PPP2R5C: variants seen among roughly 807,000 people sequenced by gnomAD.
PPP2R5C encodes serine/threonine-protein phosphatase 2A 56 kDa regulatory subunit gamma isoform.
A neutral mutation model predicts 68.9 loss-of-function variants in PPP2R5C; 7 were observed. That is an observed-to-expected ratio of 0.10 (90% CI 0.06 to 0.19). The LOEUF is 0.19. Among genes scored for constraint, PPP2R5C ranks in the 10% least tolerant of loss-of-function variants. The pLI, the probability that PPP2R5C is intolerant of heterozygous loss-of-function variation, is 1.00. For missense variants in PPP2R5C, 348 were observed against 641.3 expected (o/e 0.54, Z 4.94); for synonymous variants, 210 against 222.2 (o/e 0.95, Z 0.49).
Position 101,797,472 on chromosome 14 carries a change from C to CA in PPP2R5C, c.259+11289_259+11290insA. ...CTGAAGGAATGAAAAGCCCTCCTGGCCCCTCTGCCCTCTTTCTCCACCCTC... is the reference window on the plus strand; with the variant it reads ...CTGAAGGAATGAAAAGCCCTCCTGGCACCCTCTGCCCTCTTTCTCCACCCTC... On this transcript the variant is annotated intron_variant, in intron 3 of 14. Coordinates refer to the PPP2R5C transcript ENST00000328724. The surrounding 1 kb of genome is among the most constrained non-coding windows in gnomAD (Gnocchi z 4.2). The CA allele has an allele frequency of 2.9e-6, 1 of 347,700 alleles. No homozygotes were observed. The highest frequency in any genetic ancestry group is 5.8e-6 in the Non-Finnish European group (1 of 173,448). 21.5% of individuals were successfully genotyped at this position (347,700 alleles called of 1,614,324 possible).
chr14:101,770,296 G>A (rs1266021108), intron 2 of PPP2R5C, among the ~76,000 whole-genome samples: 1 of 152,208 alleles, frequency 6.6e-6, no homozygotes, highest in Non-Finnish European at 1.5e-5. Context: ...GTCTTGTTCT[G>A]TGCGAGCACT....
chr14:101,876,007 A>G (rs2043750233), intron 2 of PPP2R5C, among the ~76,000 whole-genome samples: 1 of 152,010 alleles, frequency 6.6e-6, no homozygotes, highest in Non-Finnish European at 1.5e-5. Flanking sequence ...TATTTGCTTA[A>G]TTGTTAGTGG....
At chr14:101,918,983 C>G (rs903855358) in intron 13 of PPP2R5C, among the ~76,000 whole-genome samples, 3 of 152,100 alleles carry the variant, frequency 2.0e-5, no homozygotes, top group Non-Finnish European at 2.9e-5. Flanking sequence ...TGAAAGTAGG[C>G]GCCCCGCCTG....
At chr14:101,910,150 T>C (rs1409926231) in intron 11 of PPP2R5C, among the ~76,000 whole-genome samples, 1 of 152,196 alleles carries the variant, frequency 6.6e-6, no homozygotes. Context: ...GTCTGTCCTT[T>C]GCAAAATCAG....
chr14:101,910,560 C>T (rs766573957), intron 11 of PPP2R5C, among the ~76,000 whole-genome samples: 3 of 152,076 alleles, frequency 2.0e-5, no homozygotes, highest in African/African-American at 7.2e-5. Flanking sequence ...GGGCCGGGTG[C>T]GGTGGCTCAC....
At chr14:101,829,780 C>T (rs1191267477) in intron 1 of PPP2R5C, among the ~76,000 whole-genome samples, 1 of 152,144 alleles carries the variant, frequency 6.6e-6, no homozygotes, top group African/African-American at 2.4e-5. Flanking sequence ...GGTGGCCTCC[C>T]TGCCCCCAGC....
chr14:101,761,687 T>TGCC (rs1172580916), upstream of PPP2R5C: 464 of 224,392 alleles, frequency 2.1e-3, 3 homozygotes, highest in East Asian at 7.8e-3. Flanking sequence ...ACGCCGCCGC[T>TGCC]GCCGCCGCCG....
chr14:101,895,060 G>A (rs2045223466), intron 8 of PPP2R5C, among the ~76,000 whole-genome samples: 1 of 152,138 alleles, frequency 6.6e-6, no homozygotes, highest in South Asian at 2.1e-4. Context: ...TCTGTGCGTG[G>A]ATCTGTAATT....
Position 101,917,928 on chromosome 14 carries a change from T to C in PPP2R5C, c.1424T>C (p.Val475Ala), listed in dbSNP as rs373861305. Residue 475 changes from valine (V) to alanine (A), a missense_variant, in exon 13 of 14, where the codon GTG becomes GCG. This residue lies in a region of PPP2R5C where 118 missense variants were observed against 108.9 expected (regional missense o/e 1.08). Transcript: ENST00000334743. This position sits in a 1 kb window ranked among gnomAD's most constrained non-coding sequence, Gnocchi z 4.4. ...GATGTGCAGATGCTGAGAAAGACAG[T>C]GAAGGACGAGGCTCATCAGGTAAAA... 1.4e-5 allele frequency: 23 copies of C among 1,613,732 alleles called. No individual in the cohort carries two copies. The highest frequency in any genetic ancestry group is 8.0e-5 in the African/African-American group (6 of 74,876).
chr14:101,900,553 G>T (rs2045624128), intron 8 of PPP2R5C, among the ~76,000 whole-genome samples: 1 of 152,222 alleles, frequency 6.6e-6, no homozygotes, highest in African/African-American at 2.4e-5. Context: ...GCACATATAT[G>T]CACTTCATAT....
At chr14:101,787,529 C>T (rs919218663) in intron 3 of PPP2R5C, among the ~76,000 whole-genome samples, 14 of 151,846 alleles carry the variant, frequency 9.2e-5, no homozygotes, top group African/African-American at 1.7e-4. Context: ...TTTGGGAGGC[C>T]AAGGCGGGCG....
At position 101,924,665 on chromosome 14, in the gene PPP2R5C, C is replaced by T. The variant is rs1031134207; in HGVS notation, c.1444-476C>T. ...ACTATGTTGGTCAGGCTGATCTTGACCTCTTGACCTCGTGATCCGTCCGCC... is the reference window on the plus strand; with the variant it reads ...ACTATGTTGGTCAGGCTGATCTTGATCTCTTGACCTCGTGATCCGTCCGCC... On this transcript the variant is annotated intron_variant, in intron 13 of 13. Transcript: ENST00000334743. Among the ~76,000 whole-genome samples the T allele has an allele frequency of 4.6e-5, 7 of 151,620 alleles. No individual in the cohort carries two copies. The South Asian group carries it at 1.3e-3, about 27-fold the overall frequency.
Position 101,915,587 on chromosome 14 carries a change from A to C in PPP2R5C, c.1327-2244A>C, listed in dbSNP as rs2046625710. Among the ~76,000 whole-genome samples, 1 of 152,176 alleles carries C rather than the reference A, an allele frequency of 6.6e-6. No individual in the cohort carries two copies. The highest frequency in any genetic ancestry group is 1.5e-5 in the Non-Finnish European group (1 of 68,020). On this transcript the variant is annotated intron_variant, in intron 12 of 13. Coordinates refer to ENST00000334743, the Ensembl canonical transcript of PPP2R5C. This position sits in a 1 kb window ranked among gnomAD's most constrained non-coding sequence, Gnocchi z 4.2. ...TGCCTGGAGTAGTCAAAAGCAGAAG[A>C]AGCGTTGGTGTGAAACAGTCCCCGC...
chr14:101,789,651 T>G (rs1303714192), intron 3 of PPP2R5C: 1 of 152,256 alleles, frequency 6.6e-6, no homozygotes, highest in Non-Finnish European at 1.5e-5. Context: ...TTTGTTCTTT[T>G]TCATAAACCT....
Position 101,797,116 on chromosome 14 carries a change from T to A in PPP2R5C, c.259+10933T>A. 1 of 455,264 alleles carries A rather than the reference T, an allele frequency of 2.2e-6. No individual in the cohort carries two copies. Among genetic ancestry groups the A allele is most frequent in the East Asian group, 7.0e-5 (1 of 14,380 alleles). 28.2% of individuals were successfully genotyped at this position (455,264 alleles called of 1,614,324 possible). The stretch of plus-strand genomic sequence containing the variant: ...CTCCCCATTCTGCTTTCTGTCTCTA[T>A]GATTTTGCCCACAGTAGGAGCCTCT... On this transcript the variant is annotated intron_variant, in intron 3 of 14. Coordinates refer to the PPP2R5C transcript ENST00000328724. This position sits in a 1 kb window ranked among gnomAD's most constrained non-coding sequence, Gnocchi z 4.2.
intron 2 of PPP2R5C, among the ~76,000 whole-genome samples, chr14:101,770,796 C>T (rs528541576): frequency 6.6e-6 from 1 of 152,362 alleles, no homozygotes; most frequent in African/African-American, 2.4e-5. Flanking sequence ...TATAGCCCTG[C>T]CATGTGATGG....
chr14:101,784,956 C>G (rs569597319), intron 2 of PPP2R5C, among the ~76,000 whole-genome samples: 3 of 152,308 alleles, frequency 2.0e-5, no homozygotes, highest in African/African-American at 7.2e-5. Flanking sequence ...CCTTTGGCCT[C>G]TGTGGATGAC....
upstream of PPP2R5C, chr14:101,809,755 G>C (rs1353308669): frequency 2.4e-6 from 3 of 1,247,160 alleles, no homozygotes; most frequent in African/African-American, 4.7e-5. Context: ...CTTTCCGTTT[G>C]CAGTTTTTTT....
chr14:101,803,894 GCTT>G (rs1258671508), intron 3 of PPP2R5C, among the ~76,000 whole-genome samples: 4 of 152,138 alleles, frequency 2.6e-5, no homozygotes, highest in South Asian at 4.1e-4. Flanking sequence ...AGGCTAAAAA[GCTT>G]CTGCACAGCA....
Sources: gnomAD v4.1 joint callset for allele counts (sites outside exome capture counted in the v4.1 genomes callset) on GRCh38, gnomAD v4.1.1 for gene constraint, gnomAD v4.1.1 regional missense constraint, Gnocchi (gnomAD v3.1) non-coding constraint, MANE v1.5 for transcripts, NCBI Gene and HGNC (gene_info 2026-07-23, HGNC 2026-07-21) for gene names.